STXBP5L: variants seen among roughly 807,000 people sequenced by gnomAD.
The protein encoded by STXBP5L is syntaxin-binding protein 5-like.
Under a neutral mutation model 144.5 loss-of-function variants are expected in STXBP5L, and 65 were observed. The ratio of observed to expected loss-of-function variants is 0.45; its 90% CI spans 0.37 to 0.55. The LOEUF (loss-of-function observed/expected upper bound fraction) is 0.55. Among genes scored for constraint, STXBP5L ranks in the 20% least tolerant of loss-of-function variants. The pLI, the probability that STXBP5L is intolerant of heterozygous loss-of-function variation, is 0.00. For synonymous variants in STXBP5L, 505 were observed against 469.6 expected (o/e 1.08, Z -0.97); for missense variants, 1,298 against 1,405.5 (o/e 0.92, Z 1.22).
intron 5 of STXBP5L, among the ~76,000 whole-genome samples, chr3:121,100,244 T>A (rs2043347116): frequency 6.6e-6 from 1 of 152,136 alleles, no homozygotes. Flanking sequence ...CTTGACCTAA[T>A]TGAAACTAAT....
At chr3:121,309,095 C>CA (rs909907926) in intron 19 of STXBP5L, among the ~76,000 whole-genome samples, 307 of 148,708 alleles carry the variant, frequency 2.1e-3, no homozygotes, top group South Asian at 4.9e-3. Flanking sequence ...ACTAGAGGAT[C>CA]AAAAAAAAAC....
intron 3 of STXBP5L, among the ~76,000 whole-genome samples, chr3:120,970,581 C>T (rs1197736414): frequency 6.6e-6 from 1 of 152,008 alleles, no homozygotes; most frequent in African/African-American, 2.4e-5. Context: ...TGTTTCTTTT[C>T]TTTTGTTGCT....
chr3:121,190,829 G>T (rs1423270211), intron 9 of STXBP5L, among the ~76,000 whole-genome samples: 1 of 151,378 alleles, frequency 6.6e-6, no homozygotes, highest in Admixed American at 6.6e-5. Flanking sequence ...CAGACGGGGC[G>T]GCCAGTCAGA....
At chr3:121,058,723 C>G (rs1261997245) in intron 5 of STXBP5L, among the ~76,000 whole-genome samples, 1 of 152,180 alleles carries the variant, frequency 6.6e-6, no homozygotes, top group African/African-American at 2.4e-5. Context: ...TCTCTAATGA[C>G]CAGTGATGAT....
chr3:121,014,273 G>A (rs1365900669), intron 3 of STXBP5L, among the ~76,000 whole-genome samples: 1 of 151,970 alleles, frequency 6.6e-6, no homozygotes, highest in Non-Finnish European at 1.5e-5. Flanking sequence ...CATGAATATA[G>A]AATGCTTTTC....
chr3:121,175,374 A>G (rs1559825543), intron 9 of STXBP5L, among the ~76,000 whole-genome samples: 1 of 152,146 alleles, frequency 6.6e-6, no homozygotes, highest in Admixed American at 6.6e-5. Context: ...AGAAAAAAAT[A>G]TGTTCATCTC....
At chr3:121,058,111 T>C (rs1948584662) in intron 5 of STXBP5L, among the ~76,000 whole-genome samples, 1 of 152,188 alleles carries the variant, frequency 6.6e-6, no homozygotes, top group Non-Finnish European at 1.5e-5. Context: ...TTTCTTGTAA[T>C]GCTATCCCTC....
chr3:121,235,844 C>CAG (rs3073423), intron 12 of STXBP5L, among the ~76,000 whole-genome samples: 1 of 139,762 alleles, frequency 7.2e-6, no homozygotes, highest in Non-Finnish European at 1.5e-5. Context: ...CACACACATA[C>CAG]ACACACACAC....
chr3:121,418,670 C>A, intron 26 of STXBP5L, 113 bp downstream of exon 26: 3 of 1,019,306 alleles, frequency 2.9e-6, no homozygotes, highest in Non-Finnish European at 2.9e-6. Flanking sequence ...GTATGAGAAT[C>A]ATGGTAACCT....
At position 121,250,717 on chromosome 3, in the gene STXBP5L, A is replaced by T. The variant is rs1422580642; in HGVS notation, c.1401-6A>T. 1.9e-6 allele frequency: 3 copies of T among 1,606,208 alleles called. No homozygotes were observed. Among genetic ancestry groups the T allele is most frequent in the South Asian group, 1.1e-5 (1 of 90,118 alleles). ...TTTAATTAATGCTAATTTATTTCTC[A>T]TCTAGTCATGCAGATGGATCAATAA... On this transcript the variant is annotated splice_polypyrimidine_tract_variant and splice_region_variant and intron_variant, in intron 14 of 26. Coordinates refer to ENST00000471454, the MANE Select transcript of STXBP5L (RefSeq NM_001308330.2).
At chr3:121,371,913 A>G (rs930638423) in intron 20 of STXBP5L, among the ~76,000 whole-genome samples, 1 of 152,194 alleles carries the variant, frequency 6.6e-6, no homozygotes, top group Non-Finnish European at 1.5e-5. Flanking sequence ...GAAGTGGGAC[A>G]AGGTGCACTC....
At chr3:121,265,687 G>A (rs2050539143) in intron 18 of STXBP5L, among the ~76,000 whole-genome samples, 1 of 152,048 alleles carries the variant, frequency 6.6e-6, no homozygotes, top group South Asian at 2.1e-4. Flanking sequence ...CCAGGAGCTG[G>A]TTTTTTGAAA....
intron 3 of STXBP5L, among the ~76,000 whole-genome samples, chr3:120,993,378 C>T (rs982138503): frequency 6.6e-6 from 1 of 151,980 alleles, no homozygotes; most frequent in Admixed American, 6.6e-5. Flanking sequence ...CTTAATAAAT[C>T]ATTTCTTATA....
At chr3:120,960,032 C>T (rs1369210614) in intron 3 of STXBP5L, among the ~76,000 whole-genome samples, 1 of 152,146 alleles carries the variant, frequency 6.6e-6, no homozygotes, top group Non-Finnish European at 1.5e-5. Flanking sequence ...TATCCAGAAT[C>T]TACAAAGAAC....
In STXBP5L at chr3:121,049,710, T is replaced by C. The variant is rs1264654774; in HGVS notation, c.470+4175T>C. ...TAGCACCTTGCAGGATAAGGTCTAC[T>C]GGGCCTAGTTACTCTTCAGCCACAT... On this transcript the variant is annotated intron_variant, in intron 5 of 26. Transcript: ENST00000471454. The C allele has an allele frequency of 3.9e-5, 6 of 154,164 alleles. No homozygotes were observed. In the East Asian group the frequency reaches 1.2e-3, roughly 30 times the overall value. The allele number at this position is 154,164 out of a possible 1,614,324, so 9.5% of individuals were successfully genotyped here.
intron 2 of STXBP5L, among the ~76,000 whole-genome samples, chr3:120,951,723 C>A (rs1711243261): frequency 6.6e-6 from 1 of 151,968 alleles, no homozygotes; most frequent in Non-Finnish European, 1.5e-5. Context: ...TAAACTAGTT[C>A]AACCATTGTG....
At chr3:121,095,459 A>G (rs1239352079) in intron 5 of STXBP5L, among the ~76,000 whole-genome samples, 1 of 152,124 alleles carries the variant, frequency 6.6e-6, no homozygotes, top group Non-Finnish European at 1.5e-5. Flanking sequence ...ACATAGTCCC[A>G]TATTTCTTGG....
At chr3:120,968,242 T>G (rs1218404134) in intron 3 of STXBP5L, among the ~76,000 whole-genome samples, 4 of 152,184 alleles carry the variant, frequency 2.6e-5, no homozygotes, top group African/African-American at 9.7e-5. Context: ...AGTCTCTCTC[T>G]TTAGGTCTGT....
intron 3 of STXBP5L, among the ~76,000 whole-genome samples, chr3:121,028,487 T>A (rs1366803081): frequency 6.6e-6 from 1 of 152,118 alleles, no homozygotes; most frequent in Non-Finnish European, 1.5e-5. Context: ...TTATATGATA[T>A]TCAAAAGTAA....
Sources: gnomAD v4.1 joint callset for allele counts (sites outside exome capture counted in the v4.1 genomes callset) on GRCh38, gnomAD v4.1.1 for gene constraint, MANE v1.5 for transcripts, NCBI Gene and HGNC (gene_info 2026-07-23, HGNC 2026-07-21) for gene names.